Variants in WDR72 observed in about 807,000 individuals in gnomAD.
WDR72 encodes WD repeat-containing protein 72.
In WDR72, 120 loss-of-function variants were observed where a neutral mutation model predicts 124.2. The ratio of observed to expected loss-of-function variants is 0.97; its 90% CI spans 0.83 to 1.12. The LOEUF (loss-of-function observed/expected upper bound fraction) is 1.12, where lower values mean the gene tolerates loss of function less well. WDR72 is among the 50% of genes most tolerant of loss of function. The pLI, the probability that WDR72 is intolerant of heterozygous loss-of-function variation, is 0.00. For synonymous variants in WDR72, 452 were observed against 441.7 expected (o/e 1.02, Z -0.29); for missense variants, 1,387 against 1,278.8 (o/e 1.08, Z -1.29).
chr15:53,680,822 G>T (rs1190279049), intron 13 of WDR72, among the ~76,000 whole-genome samples: 2 of 152,182 alleles, frequency 1.3e-5, no homozygotes, highest in Non-Finnish European at 2.9e-5. Context: ...CAGCATATGG[G>T]TCTCAGTGGA....
chr15:53,527,141 A>C (rs1892162342), intron 18 of WDR72, among the ~76,000 whole-genome samples: 1 of 152,116 alleles, frequency 6.6e-6, no homozygotes, highest in South Asian at 2.1e-4. Context: ...TTTTTAAATC[A>C]CATTCAAGAA....
At chr15:53,619,769 T>C (rs2013915147) in intron 14 of WDR72, among the ~76,000 whole-genome samples, 1 of 152,088 alleles carries the variant, frequency 6.6e-6, no homozygotes, top group Admixed American at 6.6e-5. Flanking sequence ...CCAACCTGTC[T>C]GGAATTGTGC....
intron 13 of WDR72, among the ~76,000 whole-genome samples, chr15:53,689,714 G>C (rs2140500366): frequency 6.6e-6 from 1 of 151,710 alleles, no homozygotes; most frequent in Middle Eastern, 3.4e-3. Context: ...TCCCATTACT[G>C]GGTATATACC....
At chr15:53,677,522 T>C (rs1455663227) in intron 13 of WDR72, among the ~76,000 whole-genome samples, 4 of 152,172 alleles carry the variant, frequency 2.6e-5, no homozygotes, top group Non-Finnish European at 4.4e-5. Flanking sequence ...AGGGACCCCG[T>C]GGGAGGTAAT....
intron 18 of WDR72, among the ~76,000 whole-genome samples, chr15:53,595,974 C>T (rs1469573439): frequency 6.6e-6 from 1 of 152,058 alleles, no homozygotes; most frequent in African/African-American, 2.4e-5. Flanking sequence ...GATCTCTGGC[C>T]TTCACTAAAT....
chr15:53,595,604 A>T (rs1044674671), intron 18 of WDR72, among the ~76,000 whole-genome samples: 1 of 152,186 alleles, frequency 6.6e-6, no homozygotes, highest in African/African-American at 2.4e-5. Context: ...AATGACATCT[A>T]CTGAGAGTTA....
At chr15:53,656,064 A>G (rs1487522347) in intron 14 of WDR72, among the ~76,000 whole-genome samples, 1 of 152,204 alleles carries the variant, frequency 6.6e-6, no homozygotes, top group East Asian at 1.9e-4. Flanking sequence ...AACAACTACA[A>G]TTTTCAGTCC....
chr15:53,731,514 T>C (rs916608517), intron 2 of WDR72, among the ~76,000 whole-genome samples: 3 of 151,856 alleles, frequency 2.0e-5, no homozygotes, highest in African/African-American at 4.8e-5. Context: ...CATGCCACCT[T>C]GTCCTTCAAT....
intron 14 of WDR72, among the ~76,000 whole-genome samples, chr15:53,650,081 A>G (rs1182688160): frequency 6.7e-6 from 1 of 149,836 alleles, no homozygotes; most frequent in Non-Finnish European, 1.5e-5. Flanking sequence ...ATTTTGATAT[A>G]TACATACAAT....
At chr15:53,636,098 C>T (rs1595809989) in intron 14 of WDR72, among the ~76,000 whole-genome samples, 1 of 152,250 alleles carries the variant, frequency 6.6e-6, no homozygotes, top group African/African-American at 2.4e-5. Context: ...TTATGCTATA[C>T]TATTTCTTAT....
intron 18 of WDR72, among the ~76,000 whole-genome samples, chr15:53,543,224 A>C (rs1412394604): frequency 1.4e-5 from 2 of 148,074 alleles, no homozygotes; most frequent in African/African-American, 5.0e-5. Flanking sequence ...CCTATTCCAA[A>C]ATTGACCACA....
chr15:53,675,569 T>C (rs2016143533), intron 13 of WDR72, among the ~76,000 whole-genome samples: 1 of 152,194 alleles, frequency 6.6e-6, no homozygotes, highest in Non-Finnish European at 1.5e-5. Context: ...CGTCGCATTA[T>C]TTAAATTTAT....
At chr15:53,547,868 T>C (rs1320813824) in intron 18 of WDR72, among the ~76,000 whole-genome samples, 1 of 152,176 alleles carries the variant, frequency 6.6e-6, no homozygotes, top group Non-Finnish European at 1.5e-5. Context: ...AATTAATTCA[T>C]TGTTTCTGCA....
intron 13 of WDR72, among the ~76,000 whole-genome samples, chr15:53,671,380 A>G (rs1174814129): frequency 2.0e-5 from 3 of 152,174 alleles, no homozygotes; most frequent in South Asian, 2.1e-4. Flanking sequence ...ACTGTTTTCT[A>G]TCTCAGCTTC....
rs542919832 is a variant in WDR72, at chr15:53,594,313, A to G, written c.3148+2766T>C. Among the ~76,000 whole-genome samples, 14 of 151,642 alleles carry G rather than the reference A, an allele frequency of 9.2e-5. No individual in the cohort carries two copies. In the East Asian group the frequency reaches 2.3e-3, roughly 25 times the overall value. On this transcript the variant is annotated intron_variant, in intron 18 of 19. Transcript: ENST00000360509. Reference sequence around the variant, plus strand: ...CCAAGAAACCAAGAAAGAAAAAAAGAAATTAAGAAACGAGGGGAGGGACAG... The same window carrying G: ...CCAAGAAACCAAGAAAGAAAAAAAGGAATTAAGAAACGAGGGGAGGGACAG...
At chr15:53,700,701 T>C (rs1218426833) in intron 12 of WDR72, among the ~76,000 whole-genome samples, 8 of 152,232 alleles carry the variant, frequency 5.3e-5, no homozygotes, top group African/African-American at 1.9e-4. Flanking sequence ...GAGGCGGGGA[T>C]GCAGGGAGGA....
chr15:53,562,357 A>T (rs905045404), intron 18 of WDR72, among the ~76,000 whole-genome samples: 3 of 151,522 alleles, frequency 2.0e-5, no homozygotes, highest in Non-Finnish European at 2.9e-5. Flanking sequence ...TTTGGTTTGT[A>T]CTCTAGAATG....
Position 53,699,907 on chromosome 15 carries a change from G to A in WDR72, c.1608C>T (p.Asp536=). Residue 536 remains aspartate (D), a synonymous_variant, in exon 13 of 20, where the codon GAC becomes GAT. Coordinates refer to ENST00000360509, the MANE Select transcript of WDR72 (RefSeq NM_182758.4). ...GEQIICCVCG[D]HSVALLHLEG... ...CAAGGTGAAGGAGAGCCACGGAATG[G>A]TCACCGCACACACAGCAAATTATCT... 1 of 1,614,136 alleles carries A rather than the reference G, an allele frequency of 6.2e-7. No homozygotes were observed. Among genetic ancestry groups the A allele is most frequent in the South Asian group, 1.1e-5 (1 of 91,076 alleles).
chr15:53,564,373 A>G (rs1894225524), intron 18 of WDR72, among the ~76,000 whole-genome samples: 1 of 151,898 alleles, frequency 6.6e-6, no homozygotes, highest in Admixed American at 6.6e-5. Flanking sequence ...TGCCTATCTA[A>G]AATTCCTAGC....
Sources: allele counts gnomAD v4.1 joint callset (sites outside exome capture counted in the v4.1 genomes callset), GRCh38; gene constraint gnomAD v4.1.1; transcripts MANE v1.5; gene names NCBI Gene and HGNC (gene_info 2026-07-23, HGNC 2026-07-21).